The following CACNG3 variants were observed in gnomAD, a reference collection of about 807,000 sequenced individuals.
CACNG3 encodes the protein voltage-dependent calcium channel gamma-3 subunit.
A neutral mutation model predicts 28.5 loss-of-function variants in CACNG3; 3 were observed. That is an observed-to-expected ratio of 0.11 (90% CI 0.05 to 0.27). The LOEUF (loss-of-function observed/expected upper bound fraction) is 0.27, where lower values mean the gene tolerates loss of function less well. CACNG3 is among the 10% of genes least tolerant of loss of function. The pLI is 1.00. For synonymous variants in CACNG3, 174 were observed against 162.2 expected (o/e 1.07, Z -0.55); for missense variants, 236 against 414.4 (o/e 0.57, Z 3.74).
intron 1 of CACNG3, among the ~76,000 whole-genome samples, chr16:24,267,068 G>A (rs1008851558): frequency 1.0e-4 from 15 of 150,204 alleles, no homozygotes; most frequent in Admixed American, 2.0e-4. Context: ...CTGGGTTCAC[G>A]CCATTCTCCT....
intron 1 of CACNG3, among the ~76,000 whole-genome samples, chr16:24,325,907 C>A (rs918132865): frequency 2.6e-5 from 4 of 152,234 alleles, no homozygotes; most frequent in Admixed American, 2.6e-4. Flanking sequence ...TAAGCGTAAG[C>A]AGCCACATAA....
chr16:24,303,132 C>A (rs966933134), intron 1 of CACNG3, among the ~76,000 whole-genome samples: 1 of 152,006 alleles, frequency 6.6e-6, no homozygotes, highest in Non-Finnish European at 1.5e-5. Flanking sequence ...TGTTAAGGTG[C>A]AACTGGGCCT....
At position 24,361,105 on chromosome 16, in the gene CACNG3, C is replaced by T. The variant is rs943783986; in HGVS notation, c.437-247C>T. Reference sequence around the variant, plus strand: ...AAAATAAGTGCATTCTGAGTTCTTCCGTACTTGCTGTAGGAGTAGGGTGTA... The same window carrying T: ...AAAATAAGTGCATTCTGAGTTCTTCTGTACTTGCTGTAGGAGTAGGGTGTA... On this transcript the variant is annotated intron_variant, in intron 3 of 3. Transcript: ENST00000005284. The surrounding 1 kb of genome is among the most constrained non-coding windows in gnomAD (Gnocchi z 6.8). Among the ~76,000 whole-genome samples, 2 of 152,126 alleles carry T rather than the reference C, an allele frequency of 1.3e-5. No individual in the cohort carries two copies. Among genetic ancestry groups the T allele is most frequent in the African/African-American group, 2.4e-5 (1 of 41,408 alleles).
At chr16:24,356,136 A>G (rs919175975) in intron 3 of CACNG3, among the ~76,000 whole-genome samples, 3 of 152,076 alleles carry the variant, frequency 2.0e-5, no homozygotes, top group African/African-American at 7.2e-5. Flanking sequence ...GGGGTGGATC[A>G]GTGCCATTTG....
rs377070817 is a variant in CACNG3, at chr16:24,324,511, G to A, written c.212-22223G>A. On this transcript the variant is annotated intron_variant, in intron 1 of 3. Transcript: ENST00000005284. ...CTCTGCCTTCAAAAATATCATCGTAGCCAAAGGCAACAGCTTCTCCCACTT... is the reference window on the plus strand; with the variant it reads ...CTCTGCCTTCAAAAATATCATCGTAACCAAAGGCAACAGCTTCTCCCACTT... 1.4e-4 allele frequency among the ~76,000 whole-genome samples: 21 copies of A among 152,118 alleles called. No individual in the cohort carries two copies. The East Asian group carries it at 2.1e-3, about 15-fold the overall frequency.
intron 2 of CACNG3, among the ~76,000 whole-genome samples, chr16:24,350,611 A>AT (rs1186999378): frequency 1.3e-5 from 2 of 152,178 alleles, no homozygotes; most frequent in African/African-American, 2.4e-5. Context: ...CCAAATATCC[A>AT]TTTTTGTGTA....
intron 1 of CACNG3, among the ~76,000 whole-genome samples, chr16:24,281,518 T>A (rs1364413263): frequency 6.6e-6 from 1 of 152,174 alleles, no homozygotes; most frequent in Non-Finnish European, 1.5e-5. Context: ...GAGGGCTGTG[T>A]ACTTGAATCC....
intron 1 of CACNG3, among the ~76,000 whole-genome samples, chr16:24,286,075 C>T (rs1001198256): frequency 1.3e-5 from 2 of 152,114 alleles, no homozygotes; most frequent in African/African-American, 2.4e-5. Context: ...AACTCCTGAG[C>T]TCAAGCAATC....
chr16:24,306,052 G>T (rs145137653), intron 1 of CACNG3, among the ~76,000 whole-genome samples: 2 of 152,086 alleles, frequency 1.3e-5, no homozygotes, highest in East Asian at 3.9e-4. Flanking sequence ...CAATTGACAG[G>T]CACTTTTACC....
chr16:24,327,442 A>ATATATATATG (rs1899568567), intron 1 of CACNG3, among the ~76,000 whole-genome samples: 2 of 106,886 alleles, frequency 1.9e-5, no homozygotes, highest in African/African-American at 7.6e-5. Context: ...GTGTGTGTAT[A>ATATATATATG]TATATATATA....
chr16:24,311,559 TAAAG>T (rs1226701183), intron 1 of CACNG3, among the ~76,000 whole-genome samples: 10 of 148,464 alleles, frequency 6.7e-5, no homozygotes, highest in Admixed American at 4.7e-4. Flanking sequence ...CAGTATGTGA[TAAAG>T]AAATTAAATG....
chr16:24,278,959 G>A (rs1405720509), intron 1 of CACNG3, among the ~76,000 whole-genome samples: 1 of 152,232 alleles, frequency 6.6e-6, no homozygotes, highest in Admixed American at 6.5e-5. Flanking sequence ...ATGAAGGGAT[G>A]GGTTGTTGTC....
chr16:24,340,419 T>A (rs1899768576), intron 1 of CACNG3, among the ~76,000 whole-genome samples: 2 of 151,982 alleles, frequency 1.3e-5, no homozygotes, highest in Non-Finnish European at 2.9e-5. Context: ...ATAAAATAAT[T>A]TAGTGTACCT....
chr16:24,322,856 G>T (rs1239463003), intron 1 of CACNG3, among the ~76,000 whole-genome samples: 2 of 152,092 alleles, frequency 1.3e-5, no homozygotes, highest in African/African-American at 2.4e-5. Context: ...CTCAGGTAGT[G>T]CACTGCTCAA....
intron 1 of CACNG3, among the ~76,000 whole-genome samples, chr16:24,296,590 C>T (rs1899034342): frequency 6.6e-6 from 1 of 152,098 alleles, no homozygotes; most frequent in Non-Finnish European, 1.5e-5. Context: ...TAGAGACTCC[C>T]CCGTAATACT....
intron 1 of CACNG3, among the ~76,000 whole-genome samples, chr16:24,259,478 C>T (rs1276754027): frequency 6.6e-6 from 1 of 152,208 alleles, no homozygotes; most frequent in East Asian, 1.9e-4. Flanking sequence ...CCTCAAAATC[C>T]TCATTTTCTG....
intron 1 of CACNG3, among the ~76,000 whole-genome samples, chr16:24,346,033 C>T (rs984024401): frequency 3.7e-4 from 56 of 152,300 alleles, no homozygotes; most frequent in African/African-American, 1.3e-3. Context: ...GCCCTGTTTC[C>T]TCATTGGTAA....
At chr16:24,303,138 G>T (rs1003772821) in intron 1 of CACNG3, among the ~76,000 whole-genome samples, 15 of 151,802 alleles carry the variant, frequency 9.9e-5, no homozygotes, top group African/African-American at 3.6e-4. Context: ...GGTGCAACTG[G>T]GCCTAAAAAC....
At chr16:24,306,565 C>A (rs1899188346) in intron 1 of CACNG3, among the ~76,000 whole-genome samples, 1 of 152,176 alleles carries the variant, frequency 6.6e-6, no homozygotes, top group South Asian at 2.1e-4. Context: ...ACCACAGTTT[C>A]TTTAATGTAC....
Sources: gnomAD v4.1 joint callset for allele counts (sites outside exome capture counted in the v4.1 genomes callset) on GRCh38, gnomAD v4.1.1 for gene constraint, Gnocchi (gnomAD v3.1) non-coding constraint, MANE v1.5 for transcripts, NCBI Gene and HGNC (gene_info 2026-07-23, HGNC 2026-07-21) for gene names.